The following CFAP54 variants were observed in gnomAD, a reference collection of about 807,000 sequenced individuals.
CFAP54 encodes the protein cilia and flagella associated protein 54.
A neutral mutation model predicts 370.4 loss-of-function variants in CFAP54; 290 were observed. That is an observed-to-expected ratio of 0.78 (90% confidence interval 0.71 to 0.86). The LOEUF (loss-of-function observed/expected upper bound fraction) is 0.86. CFAP54 is among the 40% of genes least tolerant of loss of function. The pLI, the probability that CFAP54 is intolerant of heterozygous loss-of-function variation, is 0.00. For missense variants in CFAP54, 3,399 were observed against 3,528.7 expected, an observed-to-expected ratio of 0.96 and a Z score of 0.93; for synonymous variants, 1,206 against 1,236.5, an observed-to-expected ratio of 0.98 and a Z score of 0.52.
intron 4 of CFAP54, among the ~76,000 whole-genome samples, chr12:96,511,475 C>G (rs372906773): frequency 3.0e-4 from 45 of 152,236 alleles, no homozygotes; most frequent in African/African-American, 1.1e-3. Context: ...CATACCATCA[C>G]GCCCAGCTAC....
At chr12:96,618,327 G>A (rs1424108044) in intron 26 of CFAP54, among the ~76,000 whole-genome samples, 2 of 152,180 alleles carry the variant, frequency 1.3e-5, no homozygotes, top group Non-Finnish European at 2.9e-5. Flanking sequence ...CCAGGAAAGG[G>A]AAAGGATGAA....
At chr12:96,838,845 G>C (rs146189278) in intron 66 of CFAP54, among the ~76,000 whole-genome samples, 11 of 152,326 alleles carry the variant, frequency 7.2e-5, no homozygotes, top group Non-Finnish European at 1.0e-4. Flanking sequence ...GTTTAAAATG[G>C]ATGATTGTTT....
intron 50 of CFAP54, among the ~76,000 whole-genome samples, chr12:96,727,773 G>A (rs370440443): frequency 9.2e-5 from 14 of 151,718 alleles, no homozygotes; most frequent in African/African-American, 2.7e-4. Flanking sequence ...TCCTAGTCTC[G>A]ATGGTCTTTA....
At chr12:96,613,500 G>A (rs1956382217) in intron 26 of CFAP54, among the ~76,000 whole-genome samples, 3 of 152,098 alleles carry the variant, frequency 2.0e-5, no homozygotes, top group Admixed American at 2.0e-4. Flanking sequence ...GCTAGCAGAA[G>A]ACAAGAAATA....
rs573428011 is a variant in CFAP54, at chr12:96,869,007, A to G, written c.*15-6111A>G. 3.3e-5 allele frequency among the ~76,000 whole-genome samples: 5 copies of G among 152,360 alleles called. No homozygotes were observed. The South Asian group carries it at 8.3e-4, about 25-fold the overall frequency. ...ACATCCCATTAAAAAACTGTCTTCA[A>G]TAGCAGCCCACAGGAAAATAAAACA... On this transcript the variant is annotated intron_variant, in intron 67 of 67. Coordinates refer to ENST00000524981, the MANE Select transcript of CFAP54 (RefSeq NM_001306084.2).
rs1240001023 is a variant in CFAP54 at position 96,580,946 on chromosome 12, T to A, written c.2916T>A (p.Phe972Leu). 1.3e-6 allele frequency: 2 copies of A among 1,519,374 alleles called. No individual in the cohort carries two copies. Among genetic ancestry groups the A allele is most frequent in the Non-Finnish European group, 1.8e-6 (2 of 1,139,570 alleles). 94.1% of individuals were successfully genotyped at this position (1,519,374 alleles called of 1,614,324 possible). A position where few individuals can be genotyped will look rare whatever the true frequency, so the allele number is the denominator to read the frequency against. Residue 972 changes from phenylalanine to leucine, a missense_variant, in exon 22 of 68, where the codon TTT becomes TTA. Coordinates refer to ENST00000524981, the MANE Select transcript of CFAP54 (RefSeq NM_001306084.2). ...EAIPADGKSV[F>L]EVKGLETNEK... Reference sequence around the variant, plus strand: ...TACCAGCTGACGGTAAAAGTGTTTTTGAAGTGAAAGGTTTAGAAACCAATG... The same window carrying A: ...TACCAGCTGACGGTAAAAGTGTTTTAGAAGTGAAAGGTTTAGAAACCAATG...
chr12:96,674,104 A>G (rs546958314), intron 39 of CFAP54, among the ~76,000 whole-genome samples: 1 of 152,260 alleles, frequency 6.6e-6, no homozygotes, highest in East Asian at 1.9e-4. Context: ...CTGGTGTTTA[A>G]GTTCTCTGGT....
intron 15 of CFAP54, 126 bp from the exon 16 acceptor site, chr12:96,554,056 T>G: frequency 1.9e-6 from 1 of 538,656 alleles, no homozygotes; most frequent in Non-Finnish European, 3.1e-6. Flanking sequence ...AGACATAACA[T>G]TGTTAGTGTT....
Position 96,621,740 on chromosome 12 carries a change from C to T in CFAP54, c.3771+19C>T, listed in dbSNP as rs1014188080. ...AGAGGAGGTAATTGTTTTTGTTTCT[C>T]ATTTTTAAACCTACGTTTAGTTTGC... On this transcript the variant is annotated intron_variant, in intron 27 of 67. Transcript: ENST00000524981. 3.3e-6 allele frequency: 5 copies of T among 1,511,244 alleles called. No homozygotes were observed. The African/African-American group carries it at 5.5e-5, about 17-fold the overall frequency. The allele number at this position is 1,511,244 out of a possible 1,614,324, so 93.6% of individuals were successfully genotyped here.
intron 32 of CFAP54, among the ~76,000 whole-genome samples, chr12:96,639,981 G>A (rs940225375): frequency 1.3e-5 from 2 of 152,104 alleles, no homozygotes; most frequent in African/African-American, 4.8e-5. Context: ...CATACTGAAT[G>A]GGCAAAAACT....
At chr12:96,651,885 G>T in intron 36 of CFAP54, 70 bp downstream of exon 36, 1 of 907,520 alleles carries the variant, frequency 1.1e-6, no homozygotes, top group Non-Finnish European at 1.6e-6. Flanking sequence ...CTTGGTATAA[G>T]TAGAAACTGT....
intron 66 of CFAP54, among the ~76,000 whole-genome samples, chr12:96,842,374 G>T (rs1959227824): frequency 6.6e-6 from 1 of 152,106 alleles, no homozygotes; most frequent in Admixed American, 6.6e-5. Flanking sequence ...GATACAATCA[G>T]GATAGAGAAC....
intron 65 of CFAP54, among the ~76,000 whole-genome samples, chr12:96,827,887 T>G (rs1161198723): frequency 1.8e-5 from 2 of 113,370 alleles, no homozygotes; most frequent in African/African-American, 7.1e-5. Context: ...TAGTTATATA[T>G]AATATATAAT....
intron 66 of CFAP54, among the ~76,000 whole-genome samples, chr12:96,830,288 A>G (rs1302917524): frequency 6.6e-6 from 1 of 152,174 alleles, no homozygotes; most frequent in Non-Finnish European, 1.5e-5. Flanking sequence ...AGTTTTCCTG[A>G]GCAGCTGTAC....
rs140222601 is a variant in CFAP54 at position 96,868,278 on chromosome 12, A to C, written c.*15-6840A>C. 9.1e-4 allele frequency among the ~76,000 whole-genome samples: 138 copies of C among 152,214 alleles called. No individual in the cohort carries two copies. The East Asian group carries it at 0.024, about 27-fold the overall frequency. On this transcript the variant is annotated intron_variant, in intron 67 of 67. Transcript: ENST00000524981. ...AGGAAACAAATAAATTTATGTTCCC[A>C]CTTTGTACAAAAATTTATTCTTAGG...
intron 63 of CFAP54, among the ~76,000 whole-genome samples, chr12:96,792,830 G>T (rs1396012680): frequency 6.6e-6 from 1 of 151,722 alleles, no homozygotes; most frequent in Non-Finnish European, 1.5e-5. Context: ...TATTTACCAT[G>T]AATATTTTAC....
chr12:96,529,325 TTTTTA>T (rs1955415875), intron 9 of CFAP54, among the ~76,000 whole-genome samples: 1 of 152,246 alleles, frequency 6.6e-6, no homozygotes, highest in African/African-American at 2.4e-5. Context: ...AGTTTTTGTC[TTTTTA>T]TTTTATGAAT....
chr12:96,866,069 C>T (rs78765165), intron 67 of CFAP54, among the ~76,000 whole-genome samples: 1,549 of 152,076 alleles, frequency 0.01, 28 homozygotes, highest in African/African-American at 0.034. Context: ...TTTTACATGA[C>T]TGTTATGCAA....
At chr12:96,813,490 T>A (rs1958946020) in intron 64 of CFAP54, among the ~76,000 whole-genome samples, 1 of 152,220 alleles carries the variant, frequency 6.6e-6, no homozygotes, top group Non-Finnish European at 1.5e-5. Context: ...TGGGACATCC[T>A]CCTTTTATCA....
Sources: allele counts gnomAD v4.1 joint callset (sites outside exome capture counted in the v4.1 genomes callset), GRCh38; gene constraint gnomAD v4.1.1; transcripts MANE v1.5; gene names NCBI Gene and HGNC (gene_info 2026-07-23, HGNC 2026-07-21).